The following ZNF211 variants were observed in gnomAD, a reference collection of about 807,000 sequenced individuals.
The protein encoded by ZNF211 is zinc finger protein 211, also known as zinc finger protein C2H2-25.
Under a neutral mutation model 12.1 loss-of-function variants are expected in ZNF211, and 18 were observed. The ratio of observed to expected loss-of-function variants is 1.48; its 90% CI spans 1.03 to 2.20. ZNF211 has a LOEUF of 2.20. ZNF211 is among the 30% of genes most tolerant of loss of function. The pLI, the probability that ZNF211 is intolerant of heterozygous loss-of-function variation, is 0.00. For synonymous variants in ZNF211, 249 were observed against 246.0 expected (o/e 1.01, Z -0.11); for missense variants, 677 against 703.1 (o/e 0.96, Z 0.42).
At chr19:57,638,262 A>G (rs376804670) in intron 3 of ZNF211, among the ~76,000 whole-genome samples, 13 of 146,336 alleles carry the variant, frequency 8.9e-5, no homozygotes, top group African/African-American at 3.3e-4. Flanking sequence ...TTTTTTTTTT[A>G]TATTGTTTTT....
Position 57,634,752 on chromosome 19 carries a change from C to T in ZNF211, c.253C>T (p.Leu85=). 1 of 1,593,086 alleles carries T rather than the reference C, an allele frequency of 6.3e-7. No homozygotes were observed. Among genetic ancestry groups the T allele is most frequent in the Non-Finnish European group, 8.6e-7 (1 of 1,168,728 alleles). The stretch of plus-strand genomic sequence containing the variant: ...GGAGAACTTTGCACTTACGTCCTCC[C>T]TGGGTAAGGCCCTCATACTCACCCT... ...MLENFALTSS[L]GCWCGVEHEE... is the part of the protein sequence containing the mutation. Residue 85 remains leucine, a synonymous_variant, in exon 3 of 4, where the codon CTG becomes TTG. Transcript: ENST00000240731.
intron 3 of ZNF211, among the ~76,000 whole-genome samples, chr19:57,638,797 T>C (rs1264346461): frequency 1.3e-5 from 2 of 152,212 alleles, no homozygotes; most frequent in Non-Finnish European, 2.9e-5. Flanking sequence ...GAGAGTCAGG[T>C]ATTGATGTCT....
At chr19:57,634,863 C>G in intron 3 of ZNF211, 108 bp downstream of exon 3, 1 of 1,339,124 alleles carries the variant, frequency 7.5e-7, no homozygotes, top group Non-Finnish European at 9.6e-7. Context: ...TGCCTCCTTC[C>G]CCAGTTCCCT....
At position 57,633,443 on chromosome 19, in the gene ZNF211, G is replaced by C. The variant is rs1459731391; in HGVS notation, c.90+7G>C. 13 of 1,593,138 alleles carry C rather than the reference G, an allele frequency of 8.2e-6. No individual in the cohort carries two copies. The highest frequency in any genetic ancestry group is 6.7e-5 in the East Asian group (3 of 44,584). ...ACTGAGGGACCCGGCTTCGGTGAGC[G>C]CTGCGATCTCCGGGCCTCCCCCGGC... On this transcript the variant is annotated splice_region_variant and intron_variant, in intron 1 of 3. Coordinates refer to ENST00000240731, the MANE Select transcript of ZNF211 (RefSeq NM_006385.5).
At chr19:57,636,440 C>T (rs1189340985) in intron 3 of ZNF211, among the ~76,000 whole-genome samples, 1 of 152,146 alleles carries the variant, frequency 6.6e-6, no homozygotes, top group Admixed American at 6.5e-5. Flanking sequence ...CAACTTCATT[C>T]TTTCACATGT....
chr19:57,634,140 G>T (rs965411062), intron 2 of ZNF211, 79 bp downstream of exon 2: 2 of 1,452,284 alleles, frequency 1.4e-6, no homozygotes, highest in Non-Finnish European at 9.2e-7. Flanking sequence ...CTTTAGATTT[G>T]TGGTGTCATG....
Position 57,634,071 on chromosome 19 carries a change from G to C in ZNF211, c.129+10G>C, listed in dbSNP as rs1285898862. The C allele has an allele frequency of 6.4e-7, 1 of 1,564,156 alleles. No homozygotes were observed. The highest frequency in any genetic ancestry group is 2.2e-5 in the East Asian group (1 of 44,702). ...TTTCAAACTTACACAGGTAAGTGGA[G>C]GTATCTCAGCCCCTCACTGGTCTGG... On this transcript the variant is annotated intron_variant, in intron 2 of 3. Transcript: ENST00000240731.
At chr19:57,636,390 G>C (rs1214881767) in intron 3 of ZNF211, among the ~76,000 whole-genome samples, 2 of 152,014 alleles carry the variant, frequency 1.3e-5, no homozygotes, top group Non-Finnish European at 2.9e-5. Context: ...TCTTTGATCT[G>C]TTTTGAATTA....
Position 57,634,711 on chromosome 19 carries a change from A to C in ZNF211, c.212A>C (p.Tyr71Ser). The C allele has an allele frequency of 6.2e-7, 1 of 1,608,070 alleles. No individual in the cohort carries two copies. The highest frequency in any genetic ancestry group is 8.5e-7 in the Non-Finnish European group (1 of 1,176,622). ...DLLDEAQKHL[Y>S]FDVMLENFAL... ...CTTGATGAGGCTCAGAAACACCTGT[A>C]CTTCGATGTGATGCTGGAGAACTTT... Residue 71 changes from tyrosine to serine, a missense_variant, in exon 3 of 4, where the codon TAC becomes TCC. Transcript: ENST00000240731.
At chr19:57,636,598 T>C (rs532897005) in intron 3 of ZNF211, among the ~76,000 whole-genome samples, 2 of 152,342 alleles carry the variant, frequency 1.3e-5, no homozygotes, top group Admixed American at 6.5e-5. Context: ...AGTACCACAC[T>C]GTTTTAATTT....
In ZNF211 at chr19:57,642,318, T is replaced by C. The variant is rs1983087743; in HGVS notation, c.*137T>C. On this transcript the variant is annotated 3_prime_UTR_variant, in exon 4 of 4. Transcript: ENST00000240731. ...GCGGATTCCCCTTAAGTTCCAGGTA[T>C]GTGTTACACTTTCTAACATGCCATT... is the stretch of plus-strand genomic sequence containing the variant. 3.1e-6 allele frequency: 3 copies of C among 954,320 alleles called. No individual in the cohort carries two copies. The highest frequency in any genetic ancestry group is 4.6e-6 in the Non-Finnish European group (3 of 650,510). 59.1% of individuals were successfully genotyped at this position (954,320 alleles called of 1,614,324 possible). A position where few individuals can be genotyped will look rare whatever the true frequency, so the allele number is the denominator to read the frequency against.
Position 57,641,730 on chromosome 19 carries a change from A to G in ZNF211, c.1283A>G (p.His428Arg), listed in dbSNP as rs767751456. Reference sequence around the variant, plus strand: ...AGCCGAAGCTCCAGCCTCATTCACCACCGGAGACTTCACACTGGAGAAAGA... The same window carrying G: ...AGCCGAAGCTCCAGCCTCATTCACCGCCGGAGACTTCACACTGGAGAAAGA... Reference protein sequence around the residue: ...SFSRSSSLIHHRRLHTGERPY... With the variant: ...SFSRSSSLIHRRRLHTGERPY... Residue 428 changes from histidine to arginine, a missense_variant, in exon 4 of 4, where the codon CAC (histidine) becomes CGC (arginine). By Grantham distance (29) the His-to-Arg change is conservative. Coordinates refer to ENST00000240731, the MANE Select transcript of ZNF211 (RefSeq NM_006385.5). 9 of 1,614,196 alleles carry G rather than the reference A, an allele frequency of 5.6e-6. No individual in the cohort carries two copies. Among genetic ancestry groups the G allele is most frequent in the South Asian group, 2.2e-5 (2 of 91,080 alleles).
rs768326141 is a variant in ZNF211 at position 57,633,321 on chromosome 19, C to T, written c.-26C>T. ...GGTCTGAGGGTCGGGGGCAGAGCCG[C>T]CCGCGAGGCCGGCCTGGGGATAGCG... On this transcript the variant is annotated 5_prime_UTR_variant, in exon 1 of 4. Coordinates refer to ENST00000240731, the MANE Select transcript of ZNF211 (RefSeq NM_006385.5). 1.1e-5 allele frequency: 17 copies of T among 1,546,608 alleles called. No homozygotes were observed. The South Asian group carries it at 1.3e-4, about 12-fold the overall frequency.
Position 57,633,268 on chromosome 19 carries a change from G to T in ZNF211, c.-79G>T. Reference sequence around the variant, plus strand: ...TTTGGTACGCTGCATCGGGATCGAAGTGACGGACCGTGAAGGCGCGAGAGT... The same window carrying T: ...TTTGGTACGCTGCATCGGGATCGAATTGACGGACCGTGAAGGCGCGAGAGT... On this transcript the variant is annotated 5_prime_UTR_variant, in exon 1 of 4. Coordinates refer to ENST00000240731, the MANE Select transcript of ZNF211 (RefSeq NM_006385.5). The T allele has an allele frequency of 7.5e-7, 1 of 1,339,454 alleles. No individual in the cohort carries two copies. 83.0% of individuals were successfully genotyped at this position (1,339,454 alleles called of 1,614,324 possible). A position where few individuals can be genotyped will look rare whatever the true frequency, so the allele number is the denominator to read the frequency against.
chr19:57,633,967 G>A (rs1981799566), intron 1 of ZNF211, 56 bp from the exon 2 acceptor site: 5 of 1,601,764 alleles, frequency 3.1e-6, no homozygotes, highest in Non-Finnish European at 3.4e-6. Flanking sequence ...GGGAAGGCCT[G>A]TGCCCATGGA....
chr19:57,639,821 AAACTT>A, intron 3 of ZNF211: 1 of 1,330,964 alleles, frequency 7.5e-7, no homozygotes, highest in Non-Finnish European at 9.9e-7. Flanking sequence ...GAATTTATAC[AAACTT>A]AACTTCTTTA....
chr19:57,640,115 G>T (rs117142295), intron 3 of ZNF211: 26,863 of 1,510,798 alleles, frequency 0.018, 325 homozygotes, highest in Non-Finnish European at 0.021. Context: ...GACTTGTCTT[G>T]ATGCCATTGC....
chr19:57,638,209 A>G (rs1982392736), intron 3 of ZNF211, among the ~76,000 whole-genome samples: 1 of 151,888 alleles, frequency 6.6e-6, no homozygotes, highest in Non-Finnish European at 1.5e-5. Flanking sequence ...AGGTTTGTCA[A>G]TTTTGATAAC....
intron 3 of ZNF211, chr19:57,639,916 TA>T (rs1309919634): frequency 3.3e-6 from 5 of 1,535,204 alleles, no homozygotes; most frequent in Non-Finnish European, 4.4e-6. Context: ...CCTTAGGACT[TA>T]TATCATCCTG....
Sources: gnomAD v4.1 joint callset for allele counts (sites outside exome capture counted in the v4.1 genomes callset) on GRCh38, gnomAD v4.1.1 for gene constraint, MANE v1.5 for transcripts, NCBI Gene and HGNC (gene_info 2026-07-23, HGNC 2026-07-21) for gene names.